Variants in RUNX3 observed in about 807,000 individuals in gnomAD.
RUNX3 encodes the protein runt-related transcription factor 3.
RUNX3 carries 10 observed loss-of-function variants against 27.7 expected under a neutral mutation model. That is an observed-to-expected ratio of 0.36 (90% confidence interval 0.22 to 0.61). The LOEUF (loss-of-function observed/expected upper bound fraction) is 0.61. Among genes scored for constraint, RUNX3 ranks in the 20% least tolerant of loss-of-function variants. RUNX3 has a pLI of 0.72. For missense variants in RUNX3, 469 were observed against 629.5 expected (o/e 0.75, Z 2.73); for synonymous variants, 270 against 269.2 (o/e 1.00, Z -0.03).
chr1:24,922,705 T>C (rs1446575205), intron 2 of RUNX3, among the ~76,000 whole-genome samples: 3 of 151,350 alleles, frequency 2.0e-5, no homozygotes, highest in Non-Finnish European at 4.4e-5. Flanking sequence ...ACTTTGTATT[T>C]GATTTTATAC....
At position 24,902,311 on chromosome 1, in the gene RUNX3, GC is replaced by G; in HGVS notation, c.1058del (p.Gly353AlafsTer25). 1.2e-6 allele frequency: 2 copies of G among 1,606,806 alleles called. No individual in the cohort carries two copies. On this transcript the variant is annotated frameshift_variant, in exon 5 of 5. Transcript: ENST00000308873. LOFTEE classifies it high-confidence loss of function. This position sits in a 1 kb window ranked among gnomAD's most constrained non-coding sequence, Gnocchi z 9.2. Reference protein sequence around the residue: ...FSMVAGSSSGGDRSPTRMLAS... With the variant: ...FSMVAGSSSGXDRSPTRMLAS... ...CCAGCATGCGGGTAGGTGAGCGGTC[GC>G]CCCCACTGCTGCTGCCGGCCACCAT...
chr1:24,964,619 G>A (rs1347359940), exon 2 of RUNX3: 8 of 1,585,082 alleles, frequency 5.0e-6, no homozygotes, highest in Non-Finnish European at 6.9e-6. Flanking sequence ...AGGGGGTTGG[G>A]TTGGGATTCA....
Position 24,908,263 on chromosome 1 carries a change from C to T in RUNX3, c.545-846G>A, listed in dbSNP as rs28376199. Among the ~76,000 whole-genome samples the T allele has an allele frequency of 1.4e-3, 211 of 148,844 alleles. 5 individuals carry two copies. Among genetic ancestry groups the T allele is most frequent in the African/African-American group, 4.9e-3 (187 of 38,442 alleles). On this transcript the variant is annotated intron_variant, in intron 3 of 4. Coordinates refer to ENST00000308873, the MANE Select transcript of RUNX3 (RefSeq NM_004350.3). ...CGCGGTGATCTGAACCTCTACGACA[C>T]GCGGTGATCCAAACCTCTACGACAT...
Position 24,907,305 on chromosome 1 carries a change from G to A in RUNX3, c.657C>T (p.Leu219=). Residue 219 remains leucine (L), a synonymous_variant, in exon 4 of 5, where the codon CTC becomes CTT. Transcript: ENST00000308873. ...TPSTPSPRGS[L]STTSHFSSQP... The stretch of plus-strand genomic sequence containing the variant: ...GGCTGCTGAAGTGGCTTGTGGTGCT[G>A]AGTGAGCCTCGGGGGCTGGGTGTGC... 1.9e-6 allele frequency: 3 copies of A among 1,612,566 alleles called. No homozygotes were observed. The highest frequency in any genetic ancestry group is 2.5e-6 in the Non-Finnish European group (3 of 1,179,998).
chr1:24,950,559 G>A (rs920917011), intron 2 of RUNX3, among the ~76,000 whole-genome samples: 5 of 152,194 alleles, frequency 3.3e-5, no homozygotes, highest in African/African-American at 1.2e-4. Flanking sequence ...ACAGGAGGTG[G>A]GGGGGCCAGG....
intron 2 of RUNX3, among the ~76,000 whole-genome samples, chr1:24,957,136 T>G (rs1306666247): frequency 2.6e-5 from 4 of 152,158 alleles, no homozygotes; most frequent in Non-Finnish European, 4.4e-5. Context: ...GTCTGAACCT[T>G]TTGCCAAAAA....
At position 24,899,789 on chromosome 1, in the gene RUNX3, T is replaced by C. The variant is rs1309235423; in HGVS notation, c.*2333A>G. ...TACTGACAGGCTCACAGTAACACTA[T>C]ATCAAAACGTCTTCCTTTCCTCGTG... On this transcript the variant is annotated 3_prime_UTR_variant, in exon 5 of 5. Coordinates refer to ENST00000308873, the MANE Select transcript of RUNX3 (RefSeq NM_004350.3). 1 of 152,522 alleles carries C rather than the reference T, an allele frequency of 6.6e-6. No individual in the cohort carries two copies. Among genetic ancestry groups the C allele is most frequent in the East Asian group, 1.9e-4 (1 of 5,340 alleles). 9.4% of individuals were successfully genotyped at this position (152,522 alleles called of 1,614,324 possible).
intron 2 of RUNX3, among the ~76,000 whole-genome samples, chr1:24,936,808 G>A (rs548909349): frequency 3.9e-5 from 6 of 152,334 alleles, no homozygotes; most frequent in Admixed American, 6.5e-5. Context: ...CTCAGAGGCC[G>A]ATGGCTCGGA....
rs768802277 is a variant in RUNX3, at chr1:24,902,285, G to C, written c.1085C>G (p.Ala362Gly). The C allele has an allele frequency of 6.3e-7, 1 of 1,599,488 alleles. No homozygotes were observed. The highest frequency in any genetic ancestry group is 8.5e-7 in the Non-Finnish European group (1 of 1,175,174). Residue 362 changes from alanine (A) to glycine (G), a missense_variant, in exon 5 of 5, where the codon GCC becomes GGC. Ala to Gly is a moderately conservative substitution (Grantham distance 60). This residue lies in a region of RUNX3 where 279 missense variants were observed against 343.0 expected (regional missense o/e 0.81). Transcript: ENST00000308873. The surrounding 1 kb of genome is among the most constrained non-coding windows in gnomAD (Gnocchi z 9.2). ...GGDRSPTRML[A>G]SCTSSAASVA... Reference sequence around the variant, plus strand: ...AGAGGCAGCGCTGCTGGTGCAAGAGGCCAGCATGCGGGTAGGTGAGCGGTC... The same window carrying C: ...AGAGGCAGCGCTGCTGGTGCAAGAGCCCAGCATGCGGGTAGGTGAGCGGTC...
At chr1:24,937,243 G>A (rs1641368973) in intron 2 of RUNX3, among the ~76,000 whole-genome samples, 1 of 152,194 alleles carries the variant, frequency 6.6e-6, no homozygotes, top group African/African-American at 2.4e-5. Context: ...GTCGCACAGG[G>A]CCCTGGTCTC....
At position 24,901,828 on chromosome 1, in the gene RUNX3, C is replaced by G; in HGVS notation, c.*294G>C. 2.3e-6 allele frequency: 1 copy of G among 427,472 alleles called. No individual in the cohort carries two copies. The allele number at this position is 427,472 out of a possible 1,614,324, so 26.5% of individuals were successfully genotyped here. ...TGGGCATAGCTGGAGACAGTGAGGT[C>G]CTTCCGGGGGGGTGGCAGGAGGCTG... On this transcript the variant is annotated 3_prime_UTR_variant, in exon 5 of 5. Transcript: ENST00000308873.
At chr1:24,955,960 C>T (rs181428101) in intron 2 of RUNX3, among the ~76,000 whole-genome samples, 4 of 152,376 alleles carry the variant, frequency 2.6e-5, no homozygotes, top group African/African-American at 9.6e-5. Flanking sequence ...ATCCTAAGTC[C>T]GCTGGGGACG....
rs1640628400 is a variant in RUNX3 at position 24,904,719 on chromosome 1, TG to T, written c.704-2054del. Among the ~76,000 whole-genome samples, 1 of 152,070 alleles carries T rather than the reference TG, an allele frequency of 6.6e-6. No homozygotes were observed. Among genetic ancestry groups the T allele is most frequent in the Non-Finnish European group, 1.5e-5 (1 of 67,990 alleles). On this transcript the variant is annotated intron_variant, in intron 4 of 4. Coordinates refer to ENST00000308873, the MANE Select transcript of RUNX3 (RefSeq NM_004350.3). The surrounding 1 kb of genome is among the most constrained non-coding windows in gnomAD (Gnocchi z 5.7). ...AGAGCTCACGCGGGCTGCAGGGCGC[TG>T]GGCTGGGCCTCCCTGGACCTGCCAC...
At position 24,953,951 on chromosome 1, in the gene RUNX3, C is replaced by T. The variant is rs1380215618; in HGVS notation, c.58+10563G>A. Among the ~76,000 whole-genome samples the T allele has an allele frequency of 2.0e-5, 3 of 151,942 alleles. No homozygotes were observed. The East Asian group carries it at 5.8e-4, about 29-fold the overall frequency. ...TTTTGGAGACCAGGTCTTGCTCTGTCGCCCAAGCTAGAGTGCAGTGGCACG... is the reference window on the plus strand; with the variant it reads ...TTTTGGAGACCAGGTCTTGCTCTGTTGCCCAAGCTAGAGTGCAGTGGCACG... On this transcript the variant is annotated intron_variant, in intron 2 of 6. Transcript: ENST00000338888.
chr1:24,929,149 T>A (rs1251791676), intron 1 of RUNX3: 6 of 465,482 alleles, frequency 1.3e-5, no homozygotes, highest in African/African-American at 4.0e-5. Context: ...AGCAGGAAGC[T>A]TTTGCGAAGC....
intron 2 of RUNX3, among the ~76,000 whole-genome samples, chr1:24,956,565 C>G (rs1012242012): frequency 3.3e-5 from 5 of 152,174 alleles, no homozygotes; most frequent in African/African-American, 1.2e-4. Context: ...CTTGGAGGTC[C>G]TTTCTCCACC....
chr1:24,907,638 CA>C (rs1218141620), intron 3 of RUNX3, among the ~76,000 whole-genome samples: 10 of 152,352 alleles, frequency 6.6e-5, no homozygotes, highest in Non-Finnish European at 1.3e-4. Context: ...CTCTACAACA[CA>C]CGGTGATCCA....
At chr1:24,903,426 TCAGA>T (rs1295250134) in intron 4 of RUNX3, among the ~76,000 whole-genome samples, 1 of 152,132 alleles carries the variant, frequency 6.6e-6, no homozygotes, top group Non-Finnish European at 1.5e-5. Flanking sequence ...GAGACAGCAG[TCAGA>T]CAAACTTGGG....
chr1:24,931,600 CA>C (rs989690540), upstream of RUNX3, among the ~76,000 whole-genome samples: 10 of 152,296 alleles, frequency 6.6e-5, no homozygotes, highest in South Asian at 2.1e-4. Context: ...TCGACAGGTG[CA>C]AAACAATGAA....
Sources: gnomAD v4.1 joint callset for allele counts (sites outside exome capture counted in the v4.1 genomes callset) on GRCh38, gnomAD v4.1.1 for gene constraint, gnomAD v4.1.1 regional missense constraint, Gnocchi (gnomAD v3.1) non-coding constraint, MANE v1.5 for transcripts, NCBI Gene and HGNC (gene_info 2026-07-23, HGNC 2026-07-21) for gene names.